RBFOX3: variants seen among roughly 807,000 people sequenced by gnomAD.
The protein encoded by RBFOX3 is RNA binding protein fox-1 homolog 3.
A neutral mutation model predicts 48.7 loss-of-function variants in RBFOX3; 17 were observed. The ratio of observed to expected loss-of-function variants is 0.35; its 90% CI spans 0.24 to 0.52. RBFOX3 has a LOEUF of 0.52. Among genes scored for constraint, RBFOX3 ranks in the 20% least tolerant of loss-of-function variants. The pLI is 0.94. For missense variants in RBFOX3, 382 were observed against 497.5 expected (o/e 0.77, Z 2.21); for synonymous variants, 212 against 209.5 (o/e 1.01, Z -0.10).
At chr17:79,463,033 C>A (rs1685544922) in intron 2 of RBFOX3, among the ~76,000 whole-genome samples, 1 of 125,806 alleles carries the variant, frequency 7.9e-6, no homozygotes, top group Non-Finnish European at 1.9e-5. Flanking sequence ...ACACCTCCAC[C>A]ACCATCGCCA....
At chr17:79,225,535 C>T (rs1323387117) in intron 4 of RBFOX3, among the ~76,000 whole-genome samples, 3 of 152,212 alleles carry the variant, frequency 2.0e-5, no homozygotes, top group African/African-American at 7.2e-5. Flanking sequence ...AAGTGATGTG[C>T]CCACCTCAGC....
chr17:79,434,067 C>T (rs55835039), intron 2 of RBFOX3, among the ~76,000 whole-genome samples: 1,922 of 152,268 alleles, frequency 0.013, 47 homozygotes, highest in African/African-American at 0.043. Flanking sequence ...GGGGCTCCAG[C>T]GCCCTTTTAA....
chr17:79,421,772 G>A lies in RBFOX3; in HGVS notation c.-175+60682C>T, dbSNP rs1885962627. 6.6e-6 allele frequency among the ~76,000 whole-genome samples: 1 copy of A among 152,168 alleles called. No homozygotes were observed. Among genetic ancestry groups the A allele is most frequent in the Non-Finnish European group, 1.5e-5 (1 of 68,024 alleles). On this transcript the variant is annotated intron_variant, in intron 2 of 14. Coordinates refer to ENST00000693108, the MANE Select transcript of RBFOX3 (RefSeq NM_001350451.2). This position sits in a 1 kb window ranked among gnomAD's most constrained non-coding sequence, Gnocchi z 4.5. The stretch of plus-strand genomic sequence containing the variant: ...CCATGCTCTCTCCTCCTGTGGTGGG[G>A]AGGTCTCCTTGAGGCCTTGGGACAA...
rs371677413 is a variant in RBFOX3, at chr17:79,293,685, T to C, written c.-74+14039A>G. ...CTGGGCTGGTCTCGAACTCCTGGCCTCAGGTGATCTGCCTGCCTTGGCCTC... is the reference window on the plus strand; with the variant it reads ...CTGGGCTGGTCTCGAACTCCTGGCCCCAGGTGATCTGCCTGCCTTGGCCTC... On this transcript the variant is annotated intron_variant, in intron 3 of 14. Transcript: ENST00000693108. Among the ~76,000 whole-genome samples, 69 of 152,232 alleles carry C rather than the reference T, an allele frequency of 4.5e-4. 1 individual carries two copies. The highest frequency in any genetic ancestry group is 1.3e-3 in the African/African-American group (53 of 41,522).
intron 3 of RBFOX3, among the ~76,000 whole-genome samples, chr17:79,236,374 C>T (rs530024597): frequency 3.9e-5 from 6 of 152,110 alleles, no homozygotes; most frequent in East Asian, 1.9e-4. Flanking sequence ...CTGCAACCTC[C>T]GCCTCCTGGG....
intron 1 of RBFOX3, among the ~76,000 whole-genome samples, chr17:79,522,474 T>C (rs2086238615): frequency 2.6e-5 from 4 of 152,276 alleles, no homozygotes; most frequent in Admixed American, 2.6e-4. Flanking sequence ...AGCTAACTTT[T>C]ACCCAACTCC....
At chr17:79,615,243 G>C (rs928354314), upstream of RBFOX3, among the ~76,000 whole-genome samples, 2 of 152,126 alleles carry the variant, frequency 1.3e-5, no homozygotes, top group African/African-American at 4.8e-5. Flanking sequence ...ACAATCAAAC[G>C]TGAGATTAAA....
intron 3 of RBFOX3, among the ~76,000 whole-genome samples, chr17:79,286,596 C>G (rs532415643): frequency 6.6e-6 from 1 of 152,188 alleles, no homozygotes; most frequent in African/African-American, 2.4e-5. Context: ...GAGCTTAATA[C>G]GCTGCGGCTC....
rs1430205882 is a variant in RBFOX3, at chr17:79,199,250, C to A, written c.-34+36516G>T. Among the ~76,000 whole-genome samples the A allele has an allele frequency of 2.0e-5, 3 of 152,192 alleles. No homozygotes were observed. Among genetic ancestry groups the A allele is most frequent in the Non-Finnish European group, 4.4e-5 (3 of 68,028 alleles). ...TTTCGAAAAGACCTCCCTAGCCCCCCACCCTCGGCAGCACCACCCACCAGC... is the reference window on the plus strand; with the variant it reads ...TTTCGAAAAGACCTCCCTAGCCCCCAACCCTCGGCAGCACCACCCACCAGC... On this transcript the variant is annotated intron_variant, in intron 4 of 14. Transcript: ENST00000693108. This position sits in a 1 kb window ranked among gnomAD's most constrained non-coding sequence, Gnocchi z 5.1.
intron 4 of RBFOX3, among the ~76,000 whole-genome samples, chr17:79,185,134 C>T (rs1012955075): frequency 2.0e-5 from 3 of 152,072 alleles, no homozygotes; most frequent in Non-Finnish European, 2.9e-5. Flanking sequence ...ATGTGGAGTC[C>T]GGGAGGGAGG....
intron 3 of RBFOX3, among the ~76,000 whole-genome samples, chr17:79,282,168 G>A (rs752297533): frequency 6.6e-6 from 1 of 152,210 alleles, no homozygotes; most frequent in Non-Finnish European, 1.5e-5. Context: ...AGCACCACGG[G>A]ATGGGCATGG....
chr17:79,393,369 G>A (rs1260534261), intron 2 of RBFOX3, among the ~76,000 whole-genome samples: 1 of 152,230 alleles, frequency 6.6e-6, no homozygotes, highest in African/African-American at 2.4e-5. Flanking sequence ...ACACTGGGAG[G>A]GAGATGCTGG....
chr17:79,126,943 G>A (rs2703545), intron 4 of RBFOX3, among the ~76,000 whole-genome samples: 2,582 of 152,240 alleles, frequency 0.017, 34 homozygotes, highest in Middle Eastern at 0.048. Flanking sequence ...CCTCCTCTTC[G>A]CAGGCTGGTC....
At chr17:79,665,357 C>T in the RBFOX3 span, among the ~76,000 whole-genome samples, 3 of 149,986 alleles carry the variant, frequency 2.0e-5, no homozygotes, top group South Asian at 2.1e-4. Flanking sequence ...CAGAGCTGCA[C>T]GAAATCTCCT....
At chr17:79,476,041 T>C (rs2077693317) in intron 2 of RBFOX3, among the ~76,000 whole-genome samples, 1 of 152,190 alleles carries the variant, frequency 6.6e-6, no homozygotes, top group African/African-American at 2.4e-5. Flanking sequence ...AGGCTGACTG[T>C]CCTGGGGGCT....
intron 2 of RBFOX3, among the ~76,000 whole-genome samples, chr17:79,323,341 G>C (rs1390687630): frequency 1.3e-5 from 2 of 152,214 alleles, no homozygotes; most frequent in African/African-American, 4.8e-5. Context: ...TTCAGTGTTT[G>C]TGCTGAGCCA....
chr17:79,101,530 C>G (rs2076433162), intron 9 of RBFOX3, 54 bp downstream of exon 9: 1 of 1,460,052 alleles, frequency 6.8e-7, no homozygotes, highest in Admixed American at 2.0e-5. Context: ...TCCCCCAGGG[C>G]CTCTGTCCCA....
chr17:79,091,330 G>A (rs1288817756), intron 14 of RBFOX3, among the ~76,000 whole-genome samples: 2 of 152,238 alleles, frequency 1.3e-5, no homozygotes, highest in Admixed American at 1.3e-4. Flanking sequence ...GCCCAGCCGT[G>A]GCACACTCAG....
Position 79,090,545 on chromosome 17 carries a change from A to C in RBFOX3, c.*338T>G. 3.0e-6 allele frequency: 1 copy of C among 329,398 alleles called. No individual in the cohort carries two copies. Among genetic ancestry groups the C allele is most frequent in the Non-Finnish European group, 5.6e-6 (1 of 180,118 alleles). The allele number at this position is 329,398 out of a possible 1,614,324, so 20.4% of individuals were successfully genotyped here. ...GGCTGGGAAAGGAAGACTGGATGGA[A>C]AACAGAGCCCCCCACGGGTCCCACA... On this transcript the variant is annotated 3_prime_UTR_variant, in exon 15 of 15. Transcript: ENST00000693108.
Sources: allele counts gnomAD v4.1 joint callset (sites outside exome capture counted in the v4.1 genomes callset), GRCh38; gene constraint gnomAD v4.1.1; non-coding constraint Gnocchi (gnomAD v3.1); transcripts MANE v1.5; gene names NCBI Gene and HGNC (gene_info 2026-07-23, HGNC 2026-07-21).